The following SLC17A5 variants were observed in gnomAD, a reference collection of about 807,000 sequenced individuals.
SLC17A5 encodes the protein solute carrier family 17 member 5, also known as sialin.
SLC17A5 carries 47 observed loss-of-function variants against 59.4 expected under a neutral mutation model. That is an observed-to-expected ratio of 0.79 (90% CI 0.63 to 1.01). The LOEUF (loss-of-function observed/expected upper bound fraction) is 1.01. Ranked by LOEUF, SLC17A5 falls within the 50% of genes least tolerant of loss-of-function variation. SLC17A5 has a pLI of 0.00. For synonymous variants in SLC17A5, 202 were observed against 210.7 expected, an observed-to-expected ratio of 0.96 and a Z score of 0.36; for missense variants, 522 against 595.5, an observed-to-expected ratio of 0.88 and a Z score of 1.28.
intron 6 of SLC17A5, among the ~76,000 whole-genome samples, chr6:73,631,368 AG>A (rs2150108942): frequency 6.6e-6 from 1 of 151,970 alleles, no homozygotes; most frequent in African/African-American, 2.4e-5. Context: ...TTCCTCTCCC[AG>A]CTAATATGAG....
chr6:73,643,853 A>C (rs577397547), intron 2 of SLC17A5, among the ~76,000 whole-genome samples: 1 of 152,334 alleles, frequency 6.6e-6, no homozygotes, highest in East Asian at 1.9e-4. Flanking sequence ...CATAAAATGA[A>C]GTATATATAA....
At chr6:73,651,391 G>A (rs1287634711) in intron 1 of SLC17A5, among the ~76,000 whole-genome samples, 4 of 141,956 alleles carry the variant, frequency 2.8e-5, no homozygotes, top group Non-Finnish European at 6.1e-5. Flanking sequence ...AACCGGGGAG[G>A]CTGAGGCTGC....
At chr6:73,611,582 G>T (rs1326602823) in intron 8 of SLC17A5, among the ~76,000 whole-genome samples, 8 of 146,232 alleles carry the variant, frequency 5.5e-5, no homozygotes, top group East Asian at 4.0e-4. Flanking sequence ...CCCGGCCTTG[G>T]TTTTTTTTTT....
rs777862172 is a variant in SLC17A5 at position 73,615,314 on chromosome 6, C to T, written c.1111+1G>A. On this transcript the variant is annotated splice_donor_variant, in intron 8 of 10. Transcript: ENST00000355773. LOFTEE classifies it high-confidence loss of function. ...AAACAAAACCTGATTGCTTCACTTA[C>T]CTATAAGGCTAAAAATTCTGCGAAC... is the stretch of plus-strand genomic sequence containing the variant. The T allele has an allele frequency of 1.9e-6, 3 of 1,613,830 alleles. No homozygotes were observed. Among genetic ancestry groups the T allele is most frequent in the Non-Finnish European group, 2.5e-6 (3 of 1,179,980 alleles).
chr6:73,598,227 T>C (rs1217787754), intron 10 of SLC17A5, among the ~76,000 whole-genome samples: 2 of 152,234 alleles, frequency 1.3e-5, no homozygotes, highest in Non-Finnish European at 2.9e-5. Flanking sequence ...TAGAGAATAC[T>C]GTTTTGTTTA....
In SLC17A5 at chr6:73,600,425, G is replaced by A; in HGVS notation, c.1276C>T (p.Leu426=). ...DIAPSYAGIL[L]GITNTFATIP... ...GTGGCAAATGTATTTGTGATGCCCA[G>A]GAGGATACCAGCATACCTGTAGAAA... Residue 426 remains leucine, a synonymous_variant, in exon 10 of 11, where the codon CTG becomes TTG. Coordinates refer to ENST00000355773, the MANE Select transcript of SLC17A5 (RefSeq NM_012434.5). The A allele has an allele frequency of 6.2e-7, 1 of 1,613,674 alleles. No individual in the cohort carries two copies. The highest frequency in any genetic ancestry group is 2.2e-5 in the East Asian group (1 of 44,882).
At chr6:73,652,946 A>G (rs889941302) in intron 1 of SLC17A5, 2 of 639,696 alleles carry the variant, frequency 3.1e-6, no homozygotes, top group African/African-American at 2.0e-5. Flanking sequence ...TAAATAAACT[A>G]TATTACAAAA....
At position 73,609,078 on chromosome 6, in the gene SLC17A5, G is replaced by C. The variant is rs542019170; in HGVS notation, c.1259+1322C>G. On this transcript the variant is annotated intron_variant, in intron 9 of 10. Transcript: ENST00000355773. ...TCATAGAAATCAGAAGATTCTGTAGGAGTCCAGGTGTGAAGATTTTGAGGT... is the reference window on the plus strand; with the variant it reads ...TCATAGAAATCAGAAGATTCTGTAGCAGTCCAGGTGTGAAGATTTTGAGGT... Among the ~76,000 whole-genome samples, 5 of 152,298 alleles carry C rather than the reference G, an allele frequency of 3.3e-5. No individual in the cohort carries two copies. In the East Asian group the frequency reaches 9.6e-4, roughly 29 times the overall value.
At chr6:73,630,767 C>T (rs1768663864) in intron 6 of SLC17A5, among the ~76,000 whole-genome samples, 1 of 152,122 alleles carries the variant, frequency 6.6e-6, no homozygotes, top group African/African-American at 2.4e-5. Flanking sequence ...AGCAGTCAGG[C>T]CGGGTGTGGT....
rs575173388 is a variant in SLC17A5, at chr6:73,636,460, T to C, written c.700+161A>G. Among the ~76,000 whole-genome samples, 7 of 152,230 alleles carry C rather than the reference T, an allele frequency of 4.6e-5. No homozygotes were observed. The East Asian group carries it at 1.4e-3, about 29-fold the overall frequency. ...AACTAACATCAGCTCGTAACTCAAA[T>C]AGGTCAAGTAAATCATACCAACTTG... On this transcript the variant is annotated intron_variant, in intron 5 of 10. Coordinates refer to ENST00000355773, the MANE Select transcript of SLC17A5 (RefSeq NM_012434.5).
chr6:73,616,546 T>TACAC (rs56306141), intron 7 of SLC17A5, among the ~76,000 whole-genome samples: 2,706 of 126,278 alleles, frequency 0.021, 56 homozygotes, highest in East Asian at 0.079. Flanking sequence ...GTTTATTTAC[T>TACAC]ACACACACAC....
At chr6:73,603,184 T>C (rs1767229635) in intron 9 of SLC17A5, among the ~76,000 whole-genome samples, 1 of 151,696 alleles carries the variant, frequency 6.6e-6, no homozygotes, top group Admixed American at 6.6e-5. Flanking sequence ...CAGGCTGGAG[T>C]ACAGTGGCGC....
Position 73,595,088 on chromosome 6 carries a change from G to T in SLC17A5, c.1477C>A (p.His493Asn). 6.2e-7 allele frequency: 1 copy of T among 1,614,112 alleles called. No individual in the cohort carries two copies. The highest frequency in any genetic ancestry group is 8.5e-7 in the Non-Finnish European group (1 of 1,180,004). Residue 493 changes from histidine (H) to asparagine (N), a missense_variant, in exon 11 of 11, where the codon CAC becomes AAC. Around this residue, in one of 3 missense-constraint regions of SLC17A5, gnomAD observed 153 missense variants for 168.5 expected, o/e 0.91. Coordinates refer to ENST00000355773, the MANE Select transcript of SLC17A5 (RefSeq NM_012434.5). ...QNWALNDHHG[H>N]RH ...ATTTATTGGTTCCTTCAGTGTCTGT[G>T]TCCATGGTGATCATTGAGAGCCCAG...
intron 7 of SLC17A5, among the ~76,000 whole-genome samples, chr6:73,615,891 T>TTTTG: frequency 6.9e-6 from 1 of 145,096 alleles, no homozygotes; most frequent in Admixed American, 6.9e-5. Context: ...TTTTTTTTTT[T>TTTTG]TTTTTTTTTT....
At chr6:73,615,250 T>C (rs1767801239) in intron 8 of SLC17A5, 65 bp downstream of exon 8, 3 of 1,567,142 alleles carry the variant, frequency 1.9e-6, no homozygotes, top group East Asian at 2.2e-5. Flanking sequence ...TGTTTTCCTA[T>C]CTCCTATAAC....
At position 73,642,668 on chromosome 6, in the gene SLC17A5, G is replaced by A. The variant is rs146347496; in HGVS notation, c.292-744C>T. On this transcript the variant is annotated intron_variant, in intron 2 of 10. Coordinates refer to ENST00000355773, the MANE Select transcript of SLC17A5 (RefSeq NM_012434.5). Reference sequence around the variant, plus strand: ...CAGCACACAGCAAGGTACTAATGAAGATTTAGTGACTGATCTGAGTATCTG... The same window carrying A: ...CAGCACACAGCAAGGTACTAATGAAAATTTAGTGACTGATCTGAGTATCTG... Among the ~76,000 whole-genome samples the A allele has an allele frequency of 9.8e-5, 15 of 152,328 alleles. No individual in the cohort carries two copies. In the East Asian group the frequency reaches 2.1e-3, roughly 22 times the overall value.
intron 3 of SLC17A5, among the ~76,000 whole-genome samples, chr6:73,639,491 G>A (rs1350150923): frequency 6.6e-6 from 1 of 152,094 alleles, no homozygotes; most frequent in Non-Finnish European, 1.5e-5. Flanking sequence ...AAATCAATAA[G>A]AATCTATATG....
At chr6:73,613,595 C>T (rs1767726926) in intron 8 of SLC17A5, among the ~76,000 whole-genome samples, 1 of 152,136 alleles carries the variant, frequency 6.6e-6, no homozygotes, top group Non-Finnish European at 1.5e-5. Flanking sequence ...AACTCCTGAC[C>T]TTGTGATCTG....
At chr6:73,616,288 C>T (rs77975839) in intron 7 of SLC17A5, among the ~76,000 whole-genome samples, 5 of 152,090 alleles carry the variant, frequency 3.3e-5, no homozygotes, top group Non-Finnish European at 5.9e-5. Flanking sequence ...CTTCCTCCCC[C>T]CTTAAATAAG....
Sources: allele counts gnomAD v4.1 joint callset (sites outside exome capture counted in the v4.1 genomes callset), GRCh38; gene constraint gnomAD v4.1.1; regional missense constraint gnomAD v4.1.1; transcripts MANE v1.5; gene names NCBI Gene and HGNC (gene_info 2026-07-23, HGNC 2026-07-21).